The following MACROD2 variants were observed in gnomAD, a reference collection of about 807,000 sequenced individuals.
MACROD2 encodes ADP-ribose glycohydrolase MACROD2.
Under a neutral mutation model 70.4 loss-of-function variants are expected in MACROD2, and 36 were observed. That is an observed-to-expected ratio of 0.51 (90% confidence interval 0.39 to 0.68). The LOEUF is 0.68. MACROD2 is among the 30% of genes least tolerant of loss of function. The pLI is 0.00. For missense variants in MACROD2, 496 were observed against 538.4 expected (o/e 0.92, Z 0.78); for synonymous variants, 172 against 178.8 (o/e 0.96, Z 0.30).
chr20:14,471,981 TA>T (rs2084536061), intron 3 of MACROD2, among the ~76,000 whole-genome samples: 2 of 152,184 alleles, frequency 1.3e-5, no homozygotes, highest in Admixed American at 1.3e-4. Context: ...TTACATGATT[TA>T]AAATTTGCAA....
At chr20:15,188,495 C>G (rs541019864) in intron 5 of MACROD2, among the ~76,000 whole-genome samples, 2 of 152,302 alleles carry the variant, frequency 1.3e-5, no homozygotes, top group South Asian at 4.1e-4. Flanking sequence ...AGCAGTTTCC[C>G]TTGAAGCCAG....
At chr20:15,420,819 T>C (rs2146339861) in intron 6 of MACROD2, among the ~76,000 whole-genome samples, 1 of 152,050 alleles carries the variant, frequency 6.6e-6, no homozygotes, top group African/African-American at 2.4e-5. Context: ...GATATGGGAG[T>C]TCTTGCCTGG....
chr20:15,447,846 T>G (rs944259005), intron 7 of MACROD2, among the ~76,000 whole-genome samples: 3 of 152,092 alleles, frequency 2.0e-5, no homozygotes, highest in Non-Finnish European at 4.4e-5. Context: ...TGACTCATGG[T>G]AAGAGATAGT....
intron 3 of MACROD2, among the ~76,000 whole-genome samples, chr20:14,330,641 T>C (rs1312308845): frequency 6.6e-6 from 1 of 152,098 alleles, no homozygotes; most frequent in Non-Finnish European, 1.5e-5. Context: ...TAATTTATTA[T>C]TTACGCAACT....
intron 3 of MACROD2, among the ~76,000 whole-genome samples, chr20:14,360,367 C>T (rs1263663117): frequency 6.6e-6 from 1 of 152,052 alleles, no homozygotes; most frequent in African/African-American, 2.4e-5. Flanking sequence ...TAATGTTGTA[C>T]ATGATAAATA....
At chr20:15,306,502 A>G (rs1214594586) in intron 6 of MACROD2, among the ~76,000 whole-genome samples, 2 of 152,166 alleles carry the variant, frequency 1.3e-5, no homozygotes, top group African/African-American at 4.8e-5. Flanking sequence ...CCAAAGTATC[A>G]TAGGTGTTTA....
intron 8 of MACROD2, among the ~76,000 whole-genome samples, chr20:15,582,225 C>T (rs6079893): frequency 6.6e-6 from 1 of 152,154 alleles, no homozygotes; most frequent in Non-Finnish European, 1.5e-5. Flanking sequence ...GGGCCAGAGC[C>T]TAACAGGGAG....
chr20:14,662,370 A>G (rs766893650), intron 4 of MACROD2, among the ~76,000 whole-genome samples: 77 of 152,152 alleles, frequency 5.1e-4, no homozygotes, highest in Non-Finnish European at 7.2e-4. Context: ...TGTAAAACCC[A>G]AAACTGTAAA....
chr20:15,129,916 C>T (rs1007844012), intron 5 of MACROD2, among the ~76,000 whole-genome samples: 6 of 151,958 alleles, frequency 3.9e-5, no homozygotes, highest in Non-Finnish European at 5.9e-5. Flanking sequence ...TAATTTCTGG[C>T]GTGTGAAGAG....
chr20:14,729,356 G>A (rs544827468), intron 5 of MACROD2, among the ~76,000 whole-genome samples: 6 of 152,126 alleles, frequency 3.9e-5, no homozygotes, highest in East Asian at 1.9e-4. Context: ...CTTTTATCAC[G>A]CATGAAAAAC....
At chr20:15,737,818 G>C (rs986327505) in intron 8 of MACROD2, among the ~76,000 whole-genome samples, 15 of 152,096 alleles carry the variant, frequency 9.9e-5, no homozygotes, top group African/African-American at 2.9e-4. Context: ...TTGGGGAATA[G>C]ACATATGTAA....
intron 3 of MACROD2, among the ~76,000 whole-genome samples, chr20:14,134,810 A>AAAC (rs2054771773): frequency 6.6e-6 from 1 of 151,408 alleles, no homozygotes; most frequent in Non-Finnish European, 1.5e-5. Flanking sequence ...TCAAAAAAAA[A>AAAC]AAAAAAAAAA....
chr20:15,880,346 T>A (rs1459550096), intron 9 of MACROD2, among the ~76,000 whole-genome samples: 1 of 151,992 alleles, frequency 6.6e-6, no homozygotes, highest in Non-Finnish European at 1.5e-5. Context: ...TTTTTACAGA[T>A]GTTTTTCCCT....
At chr20:14,689,890 T>G (rs1306947314) in intron 5 of MACROD2, among the ~76,000 whole-genome samples, 1 of 152,212 alleles carries the variant, frequency 6.6e-6, no homozygotes, top group African/African-American at 2.4e-5. Flanking sequence ...AATTAGTTAT[T>G]GAAAGTGTCA....
At chr20:14,212,910 G>C (rs926468258) in intron 3 of MACROD2, among the ~76,000 whole-genome samples, 4 of 151,744 alleles carry the variant, frequency 2.6e-5, no homozygotes, top group Admixed American at 2.0e-4. Flanking sequence ...GTGGCATTTG[G>C]ACTGTTCATG....
At chr20:14,664,914 C>A (rs1177618331) in intron 4 of MACROD2, among the ~76,000 whole-genome samples, 1 of 152,032 alleles carries the variant, frequency 6.6e-6, no homozygotes, top group South Asian at 2.1e-4. Context: ...GGAACCTGTG[C>A]TTTTTTCACA....
intron 4 of MACROD2, among the ~76,000 whole-genome samples, chr20:14,643,450 C>A (rs1985201713): frequency 6.6e-6 from 1 of 152,112 alleles, no homozygotes; most frequent in Non-Finnish European, 1.5e-5. Flanking sequence ...TTTACTAGTG[C>A]AAATGGCACT....
At chr20:14,998,903 CAT>C (rs2122890917) in intron 5 of MACROD2, among the ~76,000 whole-genome samples, 1 of 152,296 alleles carries the variant, frequency 6.6e-6, no homozygotes, top group South Asian at 2.1e-4. Context: ...AAACAACTAA[CAT>C]ACAATGGAGC....
At chr20:15,010,241 A>G (rs2075071997) in intron 5 of MACROD2, among the ~76,000 whole-genome samples, 1 of 152,234 alleles carries the variant, frequency 6.6e-6, no homozygotes, top group African/African-American at 2.4e-5. Context: ...ACCTCATTTT[A>G]GAAAATCAGC....
Sources: allele counts gnomAD v4.1 joint callset (sites outside exome capture counted in the v4.1 genomes callset), GRCh38; gene constraint gnomAD v4.1.1; transcripts MANE v1.5; gene names NCBI Gene and HGNC (gene_info 2026-07-23, HGNC 2026-07-21).